Variants in GCNT1 observed in about 807,000 individuals in gnomAD.
The protein encoded by GCNT1 is glucosaminyl (N-acetyl) transferase 1.
Under a neutral mutation model 26.2 loss-of-function variants are expected in GCNT1, and 16 were observed. The observed-to-expected ratio is 0.61, with a 90% CI of 0.41 to 0.93. The LOEUF (loss-of-function observed/expected upper bound fraction) is 0.93, where lower values mean the gene tolerates loss of function less well. GCNT1 is among the 40% of genes least tolerant of loss of function. The pLI, the probability that GCNT1 is intolerant of heterozygous loss-of-function variation, is 0.00. For missense variants in GCNT1, 477 were observed against 526.7 expected, an observed-to-expected ratio of 0.91 and a Z score of 0.92; for synonymous variants, 183 against 190.8, an observed-to-expected ratio of 0.96 and a Z score of 0.34.
At chr9:76,397,772 G>A in the GCNT1 span, among the ~76,000 whole-genome samples, 1 of 152,156 alleles carries the variant, frequency 6.6e-6, no homozygotes, top group South Asian at 2.1e-4. Flanking sequence ...CCCTCTGACT[G>A]AAGAATAAAC....
chr9:76,433,710 G>A (rs1564222421), intron 1 of GCNT1, among the ~76,000 whole-genome samples: 1 of 152,222 alleles, frequency 6.6e-6, no homozygotes, highest in East Asian at 1.9e-4. Flanking sequence ...CCTGGGCTGA[G>A]GGAAGCCTGG....
the GCNT1 span, among the ~76,000 whole-genome samples, chr9:76,397,456 T>C: frequency 6.6e-6 from 1 of 151,812 alleles, no homozygotes; most frequent in Non-Finnish European, 1.5e-5. Flanking sequence ...TTTTTTTTTT[T>C]TTTTTGAACC....
At chr9:76,436,005 G>C (rs1009806406) in intron 1 of GCNT1, among the ~76,000 whole-genome samples, 2 of 146,290 alleles carry the variant, frequency 1.4e-5, no homozygotes, top group Admixed American at 7.0e-5. Flanking sequence ...ACCCAGGCTG[G>C]AGTGCAGTGG....
intron 1 of GCNT1, among the ~76,000 whole-genome samples, chr9:76,421,371 G>A (rs747277249): frequency 1.2e-4 from 18 of 151,772 alleles, no homozygotes; most frequent in African/African-American, 4.1e-4. Flanking sequence ...AGGCCAAGTC[G>A]GGCAGATCAC....
At chr9:76,418,007 C>G (rs1378869850), upstream of GCNT1, among the ~76,000 whole-genome samples, 1 of 152,150 alleles carries the variant, frequency 6.6e-6, no homozygotes, top group Non-Finnish European at 1.5e-5. Flanking sequence ...TCAGAAGACC[C>G]TGAGAACATG....
chr9:76,441,706 T>C (rs1465653292), exon 1 of GCNT1: 1 of 153,270 alleles, frequency 6.5e-6, no homozygotes. Context: ...GAAGCCGCAG[T>C]GTCACCTTCC....
rs537057717 is a variant in GCNT1 at position 76,451,700 on chromosome 9, T to C, written c.-290+9385T>C. On this transcript the variant is annotated intron_variant, in intron 1 of 2. Transcript: ENST00000442371. The stretch of plus-strand genomic sequence containing the variant: ...GCCCAACTCTGCTGACACTCAATTT[T>C]GGACTTCCAGCCTCCAGAATTGTGA... Among the ~76,000 whole-genome samples, 4 of 152,330 alleles carry C rather than the reference T, an allele frequency of 2.6e-5. No homozygotes were observed. In the South Asian group the frequency reaches 8.3e-4, roughly 32 times the overall value.
At chr9:76,394,057 C>T in the GCNT1 span, 2 of 1,558,358 alleles carry the variant, frequency 1.3e-6, no homozygotes, top group Non-Finnish European at 1.7e-6. Flanking sequence ...CCACGTGACC[C>T]GGCCCGGGGG....
chr9:76,504,502 G>C lies in GCNT1; in HGVS notation c.*834G>C. ...GCTGTGTAAAAATTTACTTTCACTG[G>C]ACCCTAAATTATTGTCTCTGCTATC... On this transcript the variant is annotated 3_prime_UTR_variant, in exon 4 of 4. Coordinates refer to ENST00000376730, the MANE Select transcript of GCNT1 (RefSeq NM_001490.5). 1 of 349,422 alleles carries C rather than the reference G, an allele frequency of 2.9e-6. No individual in the cohort carries two copies. Among genetic ancestry groups the C allele is most frequent in the East Asian group, 4.4e-5 (1 of 22,618 alleles). 21.6% of individuals were successfully genotyped at this position (349,422 alleles called of 1,614,324 possible). A position where few individuals can be genotyped will look rare whatever the true frequency, so the allele number is the denominator to read the frequency against.
chr9:76,472,012 C>A (rs767065378), intron 2 of GCNT1, among the ~76,000 whole-genome samples: 1 of 152,074 alleles, frequency 6.6e-6, no homozygotes, highest in Non-Finnish European at 1.5e-5. Flanking sequence ...CATGGTGGCT[C>A]AGCCTGTAAT....
intron 1 of GCNT1, among the ~76,000 whole-genome samples, chr9:76,427,583 A>G (rs1823274529): frequency 6.6e-6 from 1 of 152,208 alleles, no homozygotes; most frequent in African/African-American, 2.4e-5. Context: ...TTGACATATC[A>G]GTTATACTTT....
At position 76,502,464 on chromosome 9, in the gene GCNT1, CCTT is replaced by C; in HGVS notation, c.86_88del (p.Phe29del). 3 of 1,613,600 alleles carry C rather than the reference CCTT, an allele frequency of 1.9e-6. No homozygotes were observed. The highest frequency in any genetic ancestry group is 1.7e-5 in the Admixed American group (1 of 60,004). On this transcript the variant is annotated inframe_deletion, in exon 4 of 4. Transcript: ENST00000376730. ...ATGGTTCTTGTTTTATCCCTAATCA[CCTT>C]CTCCGTTTTAAGGATTCATCAAAAG...
chr9:76,502,683 C>G lies in GCNT1; in HGVS notation c.302C>G (p.Ser101Cys), dbSNP rs1235519174. The G allele has an allele frequency of 6.2e-7, 1 of 1,614,128 alleles. No homozygotes were observed. The highest frequency in any genetic ancestry group is 1.7e-5 in the Admixed American group (1 of 60,026). ...DDYINMTSDC[S>C]SFIKRRKYIV... Reference sequence around the variant, plus strand: ...TATATAAACATGACCAGTGACTGTTCTTCTTTCATCAAGAGACGCAAATAT... The same window carrying G: ...TATATAAACATGACCAGTGACTGTTGTTCTTTCATCAAGAGACGCAAATAT... Residue 101 changes from serine to cysteine, a missense_variant, in exon 4 of 4, where the codon TCT becomes TGT. Coordinates refer to ENST00000376730, the MANE Select transcript of GCNT1 (RefSeq NM_001490.5).
rs1278979978 is a variant in GCNT1 at position 76,498,805 on chromosome 9, A to G, written c.-289-2111A>G. ...AAAAAAAAAAAGAAAAAAAGTGTAT[A>G]CACACACACTGTCAGCCTGTCAACA... On this transcript the variant is annotated intron_variant, in intron 2 of 3. Transcript: ENST00000376730. 3.3e-5 allele frequency among the ~76,000 whole-genome samples: 5 copies of G among 151,674 alleles called. No homozygotes were observed. In the East Asian group the frequency reaches 9.6e-4, roughly 29 times the overall value.
chr9:76,474,155 T>G (rs1396408872), intron 2 of GCNT1, among the ~76,000 whole-genome samples: 1 of 152,124 alleles, frequency 6.6e-6, no homozygotes, highest in Non-Finnish European at 1.5e-5. Context: ...AATCACAAAG[T>G]GAAACCTTGA....
At chr9:76,409,328 G>GTC in the GCNT1 span, among the ~76,000 whole-genome samples, 1 of 152,110 alleles carries the variant, frequency 6.6e-6, no homozygotes. Context: ...TTGTGTGTGT[G>GTC]TCTCTCTTTT....
intron 2 of GCNT1, among the ~76,000 whole-genome samples, chr9:76,478,877 T>G (rs138356514): frequency 6.6e-6 from 1 of 152,326 alleles, no homozygotes; most frequent in East Asian, 1.9e-4. Flanking sequence ...TTTTATTGTA[T>G]TTTAAGTTCT....
chr9:76,433,081 G>A (rs1486379064), intron 1 of GCNT1, among the ~76,000 whole-genome samples: 1 of 152,044 alleles, frequency 6.6e-6, no homozygotes, highest in Non-Finnish European at 1.5e-5. Flanking sequence ...TTCATTAGCT[G>A]TTTCATCACT....
At chr9:76,500,498 G>C (rs541127047) in intron 2 of GCNT1, among the ~76,000 whole-genome samples, 1 of 152,246 alleles carries the variant, frequency 6.6e-6, no homozygotes, top group South Asian at 2.1e-4. Context: ...GTGGGGTGGT[G>C]ATCAAGATTG....
Sources: allele counts gnomAD v4.1 joint callset (sites outside exome capture counted in the v4.1 genomes callset), GRCh38; gene constraint gnomAD v4.1.1; transcripts MANE v1.5; gene names NCBI Gene and HGNC (gene_info 2026-07-23, HGNC 2026-07-21).